CTU2: variants seen among roughly 807,000 people sequenced by gnomAD.
CTU2 encodes cytoplasmic tRNA 2-thiolation protein 2.
A neutral mutation model predicts 64.1 loss-of-function variants in CTU2; 80 were observed. The ratio of observed to expected loss-of-function variants is 1.25; its 90% CI spans 1.04 to 1.50. The LOEUF is 1.50. Ranked by LOEUF, CTU2 falls within the 40% of genes most tolerant of loss-of-function variation. The pLI, the probability that CTU2 is intolerant of heterozygous loss-of-function variation, is 0.00. For missense variants in CTU2, 1,110 were observed against 690.2 expected (o/e 1.61, Z -6.81); for synonymous variants, 482 against 285.3 (o/e 1.69, Z -6.95).
At chr16:88,713,804 C>G (rs1235893516) in intron 9 of CTU2, 26 bp downstream of exon 9, 9 of 1,610,850 alleles carry the variant, frequency 5.6e-6, no homozygotes, top group African/African-American at 2.7e-5. Context: ...TGGGCAACCT[C>G]TCTCACCATT....
At position 88,714,138 on chromosome 16, in the gene CTU2, C is replaced by A; in HGVS notation, c.1008C>A (p.Ala336=). ...GCCTCCAATCTGATTGTCCCTAGGC[C>A]CCTGAAAAGGCCAGCATCCACCGGC... ...SVFTPAVDTK[A]PEKASIHRLM... Residue 336 remains alanine, a splice_region_variant and synonymous_variant, in exon 10 of 15, where the codon GCC becomes GCA. Coordinates refer to ENST00000453996, the MANE Select transcript of CTU2 (RefSeq NM_001012759.3). 1 of 1,612,566 alleles carries A rather than the reference C, an allele frequency of 6.2e-7. No individual in the cohort carries two copies. Among genetic ancestry groups the A allele is most frequent in the Non-Finnish European group, 8.5e-7 (1 of 1,179,808 alleles).
intron 2 of CTU2, among the ~76,000 whole-genome samples, chr16:88,708,668 C>T (rs556822977): frequency 7.9e-5 from 12 of 152,234 alleles, no homozygotes; most frequent in African/African-American, 2.6e-4. Flanking sequence ...ACAGGGGGGT[C>T]ATTCGGCCTC....
At chr16:88,709,821 A>G in intron 2 of CTU2, 117 bp from the exon 3 acceptor site, 2 of 874,926 alleles carry the variant, frequency 2.3e-6, no homozygotes, top group South Asian at 1.4e-5. Flanking sequence ...CCTGGATGTG[A>G]AGATGCTGCT....
At chr16:88,711,395 G>A (rs1911308510) in intron 4 of CTU2, among the ~76,000 whole-genome samples, 1 of 152,188 alleles carries the variant, frequency 6.6e-6, no homozygotes, top group African/African-American at 2.4e-5. Flanking sequence ...TGAGGGGCAT[G>A]TTTTACCAGG....
At chr16:88,710,130 T>G in intron 3 of CTU2, 93 bp from the exon 4 acceptor site, 1 of 1,583,502 alleles carries the variant, frequency 6.3e-7, no homozygotes. Flanking sequence ...CCTTGGCCTT[T>G]GAGGACAGAC....
intron 4 of CTU2, chr16:88,710,537 G>A (rs576169018): frequency 6.2e-4 from 328 of 525,290 alleles, no homozygotes; most frequent in Admixed American, 1.5e-3. Flanking sequence ...TCCACAGCGC[G>A]TGTGTGCGGC....
chr16:88,713,373 A>G lies in CTU2; in HGVS notation c.799A>G (p.Ser267Gly), dbSNP rs1310751793. 20 of 1,603,894 alleles carry G rather than the reference A, an allele frequency of 1.2e-5. No homozygotes were observed. Among genetic ancestry groups the G allele is most frequent in the Non-Finnish European group, 1.6e-5 (19 of 1,176,736 alleles). Residue 267 changes from serine (S) to glycine (G), a missense_variant, in exon 8 of 15, where the codon AGC (serine) becomes GGC (glycine). Transcript: ENST00000453996. ...HGYSKVMTGDSCTRLAIKLMT... is the reference protein window; with the variant it reads ...HGYSKVMTGDGCTRLAIKLMT... Reference sequence around the variant, plus strand: ...CTACTCCAAGGTCATGACTGGGGACAGCTGCACACGCTTGGCTATCAAGCT... The same window carrying G: ...CTACTCCAAGGTCATGACTGGGGACGGCTGCACACGCTTGGCTATCAAGCT...
intron 5 of CTU2, 151 bp from the exon 6 acceptor site, chr16:88,712,123 A>C (rs1911372411): frequency 2.7e-6 from 2 of 747,282 alleles, no homozygotes; most frequent in African/African-American, 1.7e-5. Flanking sequence ...ACCCCTGCCC[A>C]AAGGAAAATG....
chr16:88,709,859 T>C, intron 2 of CTU2, 79 bp from the exon 3 acceptor site: 1 of 1,178,070 alleles, frequency 8.5e-7, no homozygotes, highest in Non-Finnish European at 1.3e-6. Flanking sequence ...GCAAAGGACG[T>C]CGTCACCTGG....
At chr16:88,713,005 GC>G (rs71301284) in intron 7 of CTU2, 100 bp downstream of exon 7, 8,173 of 444,822 alleles carry the variant, frequency 0.018, 126 homozygotes, top group African/African-American at 0.06. Context: ...GCCCCTGAGA[GC>G]CCCCCTTCCC....
In CTU2 at chr16:88,706,618, C is replaced by T; in HGVS notation, c.68+20C>T. 1 of 1,384,418 alleles carries T rather than the reference C, an allele frequency of 7.2e-7. No individual in the cohort carries two copies. The highest frequency in any genetic ancestry group is 9.3e-7 in the Non-Finnish European group (1 of 1,075,418). 85.8% of individuals were successfully genotyped at this position (1,384,418 alleles called of 1,614,324 possible). ...GCCCAGGTAAGAGCTGGCGGCCGGA[C>T]CCGCCAGGCCGCCCCTCGCCTTCCC... On this transcript the variant is annotated intron_variant, in intron 1 of 14. Transcript: ENST00000453996.
At chr16:88,713,572 C>G in intron 8 of CTU2, 75 bp from the exon 9 acceptor site, 5 of 1,574,208 alleles carry the variant, frequency 3.2e-6, no homozygotes, top group Admixed American at 3.5e-5. Context: ...TCTGTGACCT[C>G]CCCTACCTGG....
chr16:88,707,119 C>T lies in CTU2; in HGVS notation c.69-17C>T. ...GTGATCTGTGTTTCTCTCTTCTCCC[C>T]CCTCCCATCTCCAAAGCCGTGAGCA... On this transcript the variant is annotated splice_polypyrimidine_tract_variant and intron_variant, in intron 1 of 14. Transcript: ENST00000453996. The T allele has an allele frequency of 1.2e-6, 2 of 1,612,480 alleles. No individual in the cohort carries two copies. Among genetic ancestry groups the T allele is most frequent in the South Asian group, 1.1e-5 (1 of 91,054 alleles).
intron 1 of CTU2, chr16:88,706,834 C>T (rs778532973): frequency 7.2e-6 from 4 of 553,572 alleles, no homozygotes; most frequent in African/African-American, 1.9e-5. Flanking sequence ...GCTGACAGTG[C>T]TGTCCTTATT....
intron 9 of CTU2, 74 bp from the exon 10 acceptor site, chr16:88,714,062 T>A (rs1371750190): frequency 2.8e-6 from 4 of 1,433,908 alleles, no homozygotes; most frequent in Non-Finnish European, 3.9e-6. Flanking sequence ...CCACGGCACC[T>A]GTCCTGGGGA....
Position 88,715,057 on chromosome 16 carries a change from G to C in CTU2, c.1429G>C (p.Asp477His), listed in dbSNP as rs746985456. 2 of 1,573,262 alleles carry C rather than the reference G, an allele frequency of 1.3e-6. No individual in the cohort carries two copies. Among genetic ancestry groups the C allele is most frequent in the Non-Finnish European group, 1.7e-6 (2 of 1,158,224 alleles). The change falls in exon 14 of 15, where the codon GAC becomes CAC. Residue 477 changes from aspartate (D) to histidine (H), a missense_variant. Coordinates refer to ENST00000453996, the MANE Select transcript of CTU2 (RefSeq NM_001012759.3). ...CCGGCCTCTGTTGCAGCCCTCACTGGACCCCCTGCCGCCGTACATCCTGGC... is the reference window on the plus strand; with the variant it reads ...CCGGCCTCTGTTGCAGCCCTCACTGCACCCCCTGCCGCCGTACATCCTGGC... ...RVNMKDLPSL[D>H]PLPPYILAEA...
At position 88,714,606 on chromosome 16, in the gene CTU2, G is replaced by A. The variant is rs141242265; in HGVS notation, c.1221G>A (p.Gly407=). 1,343 of 1,612,606 alleles carry A rather than the reference G, an allele frequency of 8.3e-4. 8 individuals are homozygous for A. The African/African-American group carries it at 0.016, about 19-fold the overall frequency. Reference sequence around the variant, plus strand: ...TTGCAGACAGTGCCACGGCTTTTGGGGCTCAGACCTCCTCGCGTCTCTCCC... The same window carrying A: ...TTGCAGACAGTGCCACGGCTTTTGGAGCTCAGACCTCCTCGCGTCTCTCCC... ...VDAADSATAF[G]AQTSSRLSQM... The change falls in exon 12 of 15, where the codon GGG becomes GGA. Residue 407 remains glycine, a synonymous_variant. Transcript: ENST00000453996.
rs1911351652 is a variant in CTU2 at position 88,711,922 on chromosome 16, T to C, written c.343+227T>C. The C allele has an allele frequency of 8.3e-6, 5 of 604,430 alleles. No homozygotes were observed. The Admixed American group carries it at 1.5e-4, about 18-fold the overall frequency. The allele number at this position is 604,430 out of a possible 1,614,324, so 37.4% of individuals were successfully genotyped here. On this transcript the variant is annotated intron_variant, in intron 5 of 14. Transcript: ENST00000453996. ...TCACTGTTCCTGGAATCTAAGAACA[T>C]CCTTAGAAAGTCGGGGGTGGGAGCA...
chr16:88,715,165 T>TGCAGCTTTCTCTC lies in CTU2; in HGVS notation c.1479-16_1479-4dup. On this transcript the variant is annotated splice_polypyrimidine_tract_variant and intron_variant, in intron 14 of 14. Coordinates refer to ENST00000453996, the MANE Select transcript of CTU2 (RefSeq NM_001012759.3). The stretch of plus-strand genomic sequence containing the variant: ...AAGGGGCCTCGGGGCTGGTGCCCAC[T>TGCAGCTTTCTCTC]GCAGCTTTCTCTCTAGGGCCTGGGG... 1 of 1,611,380 alleles carries TGCAGCTTTCTCTC rather than the reference T, an allele frequency of 6.2e-7. No homozygotes were observed. The highest frequency in any genetic ancestry group is 1.3e-5 in the African/African-American group (1 of 75,008).
Sources: allele counts gnomAD v4.1 joint callset (sites outside exome capture counted in the v4.1 genomes callset), GRCh38; gene constraint gnomAD v4.1.1; transcripts MANE v1.5; gene names NCBI Gene and HGNC (gene_info 2026-07-23, HGNC 2026-07-21).